Variants in SDK1 observed in about 807,000 individuals in gnomAD.
The protein encoded by SDK1 is protein sidekick-1.
Under a neutral mutation model 245.5 loss-of-function variants are expected in SDK1, and 157 were observed. That is an observed-to-expected ratio of 0.64 (90% CI 0.56 to 0.73). SDK1 has a LOEUF of 0.73. Ranked by LOEUF, SDK1 falls within the 30% of genes least tolerant of loss-of-function variation. The pLI is 0.00. For missense variants in SDK1, 3,583 were observed against 3,002.3 expected (o/e 1.19, Z -4.52); for synonymous variants, 1,647 against 1,278.5 (o/e 1.29, Z -6.15).
chr7:3,903,047 C>T (rs1229385486), intron 5 of SDK1, among the ~76,000 whole-genome samples: 1 of 151,954 alleles, frequency 6.6e-6, no homozygotes, highest in Non-Finnish European at 1.5e-5. Flanking sequence ...CATAATTAGC[C>T]ATCAGGGAAA....
rs1393622147 is a variant in SDK1 at position 4,150,034 on chromosome 7, G to A, written c.4625+571G>A. Among the ~76,000 whole-genome samples, 4 of 152,166 alleles carry A rather than the reference G, an allele frequency of 2.6e-5. No homozygotes were observed. The South Asian group carries it at 6.2e-4, about 24-fold the overall frequency. ...TCTGGGCTCAGCATGGGAGAGGGTT[G>A]CATTGACAATAGCAGCGGCGTTCTG... On this transcript the variant is annotated intron_variant, in intron 30 of 44. Coordinates refer to ENST00000404826, the MANE Select transcript of SDK1 (RefSeq NM_152744.4).
intron 35 of SDK1, among the ~76,000 whole-genome samples, chr7:4,185,356 C>T (rs1782826472): frequency 6.6e-6 from 1 of 152,198 alleles, no homozygotes; most frequent in Non-Finnish European, 1.5e-5. Context: ...GACCACGCTC[C>T]AGCCTTCAAG....
At chr7:3,429,426 T>C (rs974996424) in intron 1 of SDK1, among the ~76,000 whole-genome samples, 2 of 152,124 alleles carry the variant, frequency 1.3e-5, no homozygotes, top group African/African-American at 4.8e-5. Context: ...CCCTTTTAAA[T>C]ATATAACTCC....
At chr7:4,258,424 A>G (rs1400442800) in intron 44 of SDK1, among the ~76,000 whole-genome samples, 1 of 152,188 alleles carries the variant, frequency 6.6e-6, no homozygotes, top group African/African-American at 2.4e-5. Context: ...CTGAATTCGT[A>G]GCATGCCCTC....
intron 13 of SDK1, chr7:3,974,850 C>G (rs1434123545): frequency 1.2e-4 from 31 of 249,120 alleles, no homozygotes; most frequent in Non-Finnish European, 1.1e-4. Flanking sequence ...GTTTACCACT[C>G]TGCGCTTAAG....
intron 35 of SDK1, among the ~76,000 whole-genome samples, chr7:4,185,874 A>AGGAGG (rs1017466000): frequency 9.2e-6 from 1 of 108,802 alleles, no homozygotes; most frequent in South Asian, 3.3e-4. Context: ...GGAGGGAGGG[A>AGGAGG]GGAGGGGAGG....
Position 4,268,343 on chromosome 7 carries a change from G to C in SDK1, c.*2959G>C. Reference sequence around the variant, plus strand: ...CAGGCAGGTGAGCCCAGAGAGAGCTGCCAGGCCACACCCCCTCGGCCTCCT... The same window carrying C: ...CAGGCAGGTGAGCCCAGAGAGAGCTCCCAGGCCACACCCCCTCGGCCTCCT... On this transcript the variant is annotated 3_prime_UTR_variant, in exon 45 of 45. Transcript: ENST00000404826. 1.9e-6 allele frequency: 2 copies of C among 1,044,610 alleles called. No homozygotes were observed. The highest frequency in any genetic ancestry group is 2.3e-6 in the Non-Finnish European group (2 of 863,898). 64.7% of individuals were successfully genotyped at this position (1,044,610 alleles called of 1,614,324 possible).
intron 1 of SDK1, among the ~76,000 whole-genome samples, chr7:3,581,771 A>T (rs771233678): frequency 3.9e-5 from 6 of 152,226 alleles, no homozygotes; most frequent in Non-Finnish European, 5.9e-5. Context: ...GTTAGACTGG[A>T]TAAAGAAAAT....
At chr7:4,240,420 T>C (rs1424503856) in intron 42 of SDK1, among the ~76,000 whole-genome samples, 1 of 152,152 alleles carries the variant, frequency 6.6e-6, no homozygotes, top group Non-Finnish European at 1.5e-5. Flanking sequence ...TATCCTCCCA[T>C]CCTCGTCTGA....
At chr7:3,439,202 T>C (rs967564505) in intron 1 of SDK1, among the ~76,000 whole-genome samples, 1 of 152,140 alleles carries the variant, frequency 6.6e-6, no homozygotes, top group African/African-American at 2.4e-5. Flanking sequence ...TCATCACATT[T>C]TTGGGGTGGT....
At chr7:3,322,795 T>C (rs998983760) in intron 1 of SDK1, among the ~76,000 whole-genome samples, 1 of 152,160 alleles carries the variant, frequency 6.6e-6, no homozygotes, top group Non-Finnish European at 1.5e-5. Context: ...ACCTAATGTG[T>C]TGTCCCCACC....
chr7:3,323,246 A>G (rs1779861951), intron 1 of SDK1, among the ~76,000 whole-genome samples: 1 of 152,198 alleles, frequency 6.6e-6, no homozygotes. Flanking sequence ...AAAAGACGTT[A>G]TTCATTGTTA....
chr7:3,912,753 A>G (rs1205115172), intron 5 of SDK1, among the ~76,000 whole-genome samples: 3 of 152,242 alleles, frequency 2.0e-5, no homozygotes, highest in African/African-American at 7.2e-5. Context: ...GGCTCAAGAC[A>G]GTTGACAGAA....
chr7:3,928,024 T>A (rs1475343888), intron 5 of SDK1, among the ~76,000 whole-genome samples: 1 of 152,194 alleles, frequency 6.6e-6, no homozygotes, highest in Non-Finnish European at 1.5e-5. Context: ...GGAAAAACAC[T>A]AGGAAATTGA....
At chr7:3,437,766 T>C (rs1780072189) in intron 1 of SDK1, among the ~76,000 whole-genome samples, 2 of 152,104 alleles carry the variant, frequency 1.3e-5, no homozygotes, top group African/African-American at 4.8e-5. Context: ...AAATTAATAA[T>C]ACTAAAAAAA....
intron 2 of SDK1, among the ~76,000 whole-genome samples, chr7:3,630,485 G>A (rs1782256165): frequency 6.6e-6 from 1 of 152,100 alleles, no homozygotes; most frequent in African/African-American, 2.4e-5. Flanking sequence ...AAAAATTTAA[G>A]GTAGGATGGG....
At chr7:4,159,412 G>C (rs552018105) in intron 31 of SDK1, among the ~76,000 whole-genome samples, 1 of 152,220 alleles carries the variant, frequency 6.6e-6, no homozygotes. Context: ...AGGCTGTTTT[G>C]CTGCAAACCC....
chr7:3,603,683 C>A (rs1420643245), intron 1 of SDK1, among the ~76,000 whole-genome samples: 3 of 152,134 alleles, frequency 2.0e-5, no homozygotes, highest in African/African-American at 7.2e-5. Context: ...TTTCCTTCTC[C>A]TGCCTGATTG....
chr7:3,945,474 C>T (rs1271417075), intron 5 of SDK1, among the ~76,000 whole-genome samples: 5 of 152,082 alleles, frequency 3.3e-5, no homozygotes, highest in Non-Finnish European at 7.4e-5. Context: ...CTCTCCGAGA[C>T]ATTTAGAAAT....
Sources: gnomAD v4.1 joint callset for allele counts (sites outside exome capture counted in the v4.1 genomes callset) on GRCh38, gnomAD v4.1.1 for gene constraint, MANE v1.5 for transcripts, NCBI Gene and HGNC (gene_info 2026-07-23, HGNC 2026-07-21) for gene names.